The following ADAMTSL3 variants were observed in gnomAD, a reference collection of about 807,000 sequenced individuals.
The protein encoded by ADAMTSL3 is ADAMTS like 3.
ADAMTSL3 carries 128 observed loss-of-function variants against 201.7 expected under a neutral mutation model. The ratio of observed to expected loss-of-function variants is 0.63; its 90% confidence interval spans 0.55 to 0.73. ADAMTSL3 has a LOEUF of 0.73. Ranked by LOEUF, ADAMTSL3 falls within the 30% of genes least tolerant of loss-of-function variation. ADAMTSL3 has a pLI of 0.00. For missense variants in ADAMTSL3, 1,990 were observed against 2,119.6 expected, an observed-to-expected ratio of 0.94 and a Z score of 1.20; for synonymous variants, 738 against 748.4, an observed-to-expected ratio of 0.99 and a Z score of 0.23.
chr15:83,666,334 A>G (rs2061247707), intron 2 of ADAMTSL3, among the ~76,000 whole-genome samples: 1 of 152,234 alleles, frequency 6.6e-6, no homozygotes, highest in South Asian at 2.1e-4. Context: ...GTTAAGACAC[A>G]TAATTTTTGG....
At chr15:83,951,655 T>G (rs1242231291) in intron 19 of ADAMTSL3, among the ~76,000 whole-genome samples, 1 of 152,180 alleles carries the variant, frequency 6.6e-6, no homozygotes, top group African/African-American at 2.4e-5. Flanking sequence ...TTTTCTTTAC[T>G]GGGAGACATT....
chr15:83,756,202 T>C (rs188208963), intron 3 of ADAMTSL3, among the ~76,000 whole-genome samples: 67 of 152,312 alleles, frequency 4.4e-4, no homozygotes, highest in Middle Eastern at 6.8e-3. Flanking sequence ...AATGAACACA[T>C]GTTCTAATTT....
At chr15:83,871,297 G>A (rs1369366526) in intron 9 of ADAMTSL3, among the ~76,000 whole-genome samples, 1 of 152,166 alleles carries the variant, frequency 6.6e-6, no homozygotes, top group Non-Finnish European at 1.5e-5. Context: ...ATTCACAGCT[G>A]CAGTCATAGC....
chr15:83,820,777 G>T (rs1402625230), intron 6 of ADAMTSL3, among the ~76,000 whole-genome samples: 1 of 152,090 alleles, frequency 6.6e-6, no homozygotes, highest in African/African-American at 2.4e-5. Flanking sequence ...ATGAGTATAA[G>T]GATTCAAGAC....
intron 3 of ADAMTSL3, among the ~76,000 whole-genome samples, chr15:83,723,117 A>G (rs752661039): frequency 7.9e-5 from 12 of 152,196 alleles, no homozygotes; most frequent in Non-Finnish European, 1.5e-4. Flanking sequence ...CAAAAAAGAG[A>G]TAGTAGATGA....
chr15:83,694,014 G>A (rs2061647186), intron 2 of ADAMTSL3, among the ~76,000 whole-genome samples: 1 of 152,210 alleles, frequency 6.6e-6, no homozygotes, highest in Admixed American at 6.5e-5. Context: ...AGATAATGAT[G>A]AGTGTTAGTG....
intron 2 of ADAMTSL3, among the ~76,000 whole-genome samples, chr15:83,659,664 T>C (rs942549743): frequency 6.6e-6 from 1 of 152,168 alleles, no homozygotes; most frequent in Non-Finnish European, 1.5e-5. Flanking sequence ...TCATAAATAT[T>C]CCCTTATATG....
At chr15:83,664,708 A>T (rs2061224491) in intron 2 of ADAMTSL3, among the ~76,000 whole-genome samples, 1 of 152,246 alleles carries the variant, frequency 6.6e-6, no homozygotes, top group Non-Finnish European at 1.5e-5. Flanking sequence ...GTTTGGGCAC[A>T]GTGGCTCATG....
At position 84,024,314 on chromosome 15, in the gene ADAMTSL3, A is replaced by C. The variant is rs969182562; in HGVS notation, c.4458-924A>C. On this transcript the variant is annotated intron_variant, in intron 26 of 29. Coordinates refer to ENST00000286744, the MANE Select transcript of ADAMTSL3 (RefSeq NM_207517.3). ...AGATTTACTTCTCTATTAACACAAAAAATAACAAGATATAGTTGTGCTTTA... is the reference window on the plus strand; with the variant it reads ...AGATTTACTTCTCTATTAACACAAACAATAACAAGATATAGTTGTGCTTTA... Among the ~76,000 whole-genome samples, 5 of 152,212 alleles carry C rather than the reference A, an allele frequency of 3.3e-5. No homozygotes were observed. The East Asian group carries it at 9.6e-4, about 29-fold the overall frequency.
intron 3 of ADAMTSL3, among the ~76,000 whole-genome samples, chr15:83,757,921 C>T (rs1245811429): frequency 6.6e-6 from 1 of 152,166 alleles, no homozygotes; most frequent in African/African-American, 2.4e-5. Flanking sequence ...TCACTTTGCT[C>T]TAGTTCCCAA....
chr15:83,847,506 T>G (rs1237148371), intron 7 of ADAMTSL3, among the ~76,000 whole-genome samples: 1 of 151,784 alleles, frequency 6.6e-6, no homozygotes, highest in Non-Finnish European at 1.5e-5. Context: ...TTTTTTTTTT[T>G]TTTTTTGAGA....
chr15:83,751,204 G>C lies in ADAMTSL3; in HGVS notation c.190-22319G>C, dbSNP rs140714467. Among the ~76,000 whole-genome samples the C allele has an allele frequency of 2.8e-3, 431 of 152,252 alleles. 3 individuals are homozygous for C. The highest frequency in any genetic ancestry group is 1.0e-2 in the African/African-American group (415 of 41,548). The stretch of plus-strand genomic sequence containing the variant: ...AAATTTGAAGAATGAAAACTCAGTG[G>C]ACTAAGTTAACAATGTGAGGATGAA... On this transcript the variant is annotated intron_variant, in intron 3 of 29. Coordinates refer to ENST00000286744, the MANE Select transcript of ADAMTSL3 (RefSeq NM_207517.3).
intron 7 of ADAMTSL3, among the ~76,000 whole-genome samples, chr15:83,841,377 C>T (rs946747662): frequency 5.9e-5 from 9 of 152,110 alleles, no homozygotes; most frequent in East Asian, 3.9e-4. Flanking sequence ...AATTGGGGTC[C>T]GGAGCCGCCA....
chr15:83,934,597 G>A (rs1036815995), intron 17 of ADAMTSL3, among the ~76,000 whole-genome samples: 37 of 152,252 alleles, frequency 2.4e-4, no homozygotes, highest in African/African-American at 8.7e-4. Flanking sequence ...ATTTGCGAGA[G>A]GGGATGAAAT....
chr15:83,747,915 G>A (rs2062573632), intron 3 of ADAMTSL3, among the ~76,000 whole-genome samples: 2 of 151,324 alleles, frequency 1.3e-5, no homozygotes, highest in South Asian at 2.1e-4. Context: ...AGATCTGGCA[G>A]GTCCAGACTC....
chr15:83,962,279 G>C (rs993716369), intron 19 of ADAMTSL3: 12 of 152,164 alleles, frequency 7.9e-5, no homozygotes, highest in Non-Finnish European at 1.5e-4. Flanking sequence ...ACCCAGTCTT[G>C]GGTATGTCTT....
At chr15:83,950,388 A>G (rs1243992348) in intron 19 of ADAMTSL3, among the ~76,000 whole-genome samples, 1 of 152,108 alleles carries the variant, frequency 6.6e-6, no homozygotes, top group Admixed American at 6.5e-5. Flanking sequence ...TACCAGTACT[A>G]TGCTGTTTTG....
chr15:83,788,735 A>T (rs1202415859), intron 4 of ADAMTSL3, among the ~76,000 whole-genome samples: 1 of 152,094 alleles, frequency 6.6e-6, no homozygotes, highest in South Asian at 2.1e-4. Context: ...TCACTATAAA[A>T]ACTCATTCTC....
At chr15:83,672,460 C>T (rs1044039221) in intron 2 of ADAMTSL3, among the ~76,000 whole-genome samples, 5 of 152,152 alleles carry the variant, frequency 3.3e-5, no homozygotes, top group African/African-American at 1.2e-4. Flanking sequence ...GGGTATTCTC[C>T]GTGAAGCTGA....
Sources: gnomAD v4.1 joint callset for allele counts (sites outside exome capture counted in the v4.1 genomes callset) on GRCh38, gnomAD v4.1.1 for gene constraint, MANE v1.5 for transcripts, NCBI Gene and HGNC (gene_info 2026-07-23, HGNC 2026-07-21) for gene names.